Variants in EIF4E3 observed in about 807,000 individuals in gnomAD.
EIF4E3 encodes the protein eukaryotic translation initiation factor 4E type 3.
Under a neutral mutation model 31.7 loss-of-function variants are expected in EIF4E3, and 26 were observed. The ratio of observed to expected loss-of-function variants is 0.82; its 90% CI spans 0.60 to 1.14. The LOEUF (loss-of-function observed/expected upper bound fraction) is 1.14. EIF4E3 is among the 50% of genes most tolerant of loss of function. The pLI, the probability that EIF4E3 is intolerant of heterozygous loss-of-function variation, is 0.00. For synonymous variants in EIF4E3, 128 were observed against 107.7 expected, an observed-to-expected ratio of 1.19 and a Z score of -1.17; for missense variants, 304 against 270.9, an observed-to-expected ratio of 1.12 and a Z score of -0.86.
At chr3:71,708,500 C>T (rs2049327330) in intron 2 of EIF4E3, among the ~76,000 whole-genome samples, 1 of 151,984 alleles carries the variant, frequency 6.6e-6, no homozygotes, top group Admixed American at 6.6e-5. Context: ...CTAGTATGTG[C>T]CTGCCTGGGT....
intron 1 of EIF4E3, among the ~76,000 whole-genome samples, chr3:71,718,799 T>C (rs189760011): frequency 1.6e-4 from 25 of 152,334 alleles, no homozygotes; most frequent in African/African-American, 5.8e-4. Flanking sequence ...AAGTACTCTA[T>C]GTCAGGGCCT....
At chr3:71,719,766 C>A (rs2049518356) in intron 1 of EIF4E3, among the ~76,000 whole-genome samples, 1 of 152,048 alleles carries the variant, frequency 6.6e-6, no homozygotes, top group Non-Finnish European at 1.5e-5. Context: ...CTAATCCCAG[C>A]ACTTTGGGAG....
intron 1 of EIF4E3, among the ~76,000 whole-genome samples, chr3:71,713,164 A>G (rs939788618): frequency 5.3e-5 from 8 of 152,194 alleles, no homozygotes; most frequent in Non-Finnish European, 8.8e-5. Flanking sequence ...TGAAGCACTG[A>G]ATCCCTGCAA....
chr3:71,684,492 G>A lies in EIF4E3; in HGVS notation c.*190C>T, dbSNP rs186368414. ...TTTTTTAAAAAGCAAGTAATGTGAC[G>A]GTAGAAACCCACACAATCTCCCCCC... On this transcript the variant is annotated 3_prime_UTR_variant, in exon 7 of 7. Coordinates refer to ENST00000425534, the MANE Select transcript of EIF4E3 (RefSeq NM_001134651.2). 52 of 453,620 alleles carry A rather than the reference G, an allele frequency of 1.1e-4. No individual in the cohort carries two copies. The highest frequency in any genetic ancestry group is 1.0e-3 in the Admixed American group (25 of 24,362). The allele number at this position is 453,620 out of a possible 1,614,324, so 28.1% of individuals were successfully genotyped here. A position where few individuals can be genotyped will look rare whatever the true frequency, so the allele number is the denominator to read the frequency against.
At chr3:71,698,239 G>A (rs549005522) in intron 3 of EIF4E3, among the ~76,000 whole-genome samples, 5 of 152,174 alleles carry the variant, frequency 3.3e-5, no homozygotes, top group Non-Finnish European at 7.4e-5. Flanking sequence ...TGGCTACATG[G>A]GCAGGGAGGG....
At chr3:71,741,179 C>G (rs970145954) in intron 1 of EIF4E3, among the ~76,000 whole-genome samples, 1 of 146,848 alleles carries the variant, frequency 6.8e-6, no homozygotes, top group African/African-American at 2.6e-5. Flanking sequence ...CATCCATGCA[C>G]ATGCACATGC....
chr3:71,725,339 G>C lies in EIF4E3; in HGVS notation c.29C>G (p.Pro10Arg), dbSNP rs932219594. The C allele has an allele frequency of 1.0e-4, 101 of 973,616 alleles. 2 individuals are homozygous for C. In the South Asian group the frequency reaches 1.6e-3, roughly 15 times the overall value. 60.3% of individuals were successfully genotyped at this position (973,616 alleles called of 1,614,324 possible). ...CCCCGGCGGCTCCCGGGCCCCGGCG[G>C]GGGGCGCGGCGGCCGGGGGCAGCGC... is the stretch of plus-strand genomic sequence containing the variant. The part of the protein sequence containing the change: MALPPAAAP[P>R]AGAREPPGSR... The change falls in exon 1 of 7, where the codon CCC becomes CGC. Residue 10 changes from proline (P) to arginine (R), a missense_variant. Coordinates refer to ENST00000425534, the MANE Select transcript of EIF4E3 (RefSeq NM_001134651.2). The surrounding 1 kb of genome is among the most constrained non-coding windows in gnomAD (Gnocchi z 6.1).
chr3:71,720,270 CAGGCTCAAGCAAACATCT>C (rs1169607533), intron 1 of EIF4E3, among the ~76,000 whole-genome samples: 1 of 151,802 alleles, frequency 6.6e-6, no homozygotes, highest in African/African-American at 2.4e-5. Flanking sequence ...TCCTCAAATT[CAGGCTCAAGCAAACATCT>C]AGGCTCAAGG....
chr3:71,690,255 TA>T, intron 5 of EIF4E3, 90 bp from the exon 6 acceptor site: 1 of 1,385,258 alleles, frequency 7.2e-7, no homozygotes, highest in East Asian at 2.5e-5. Flanking sequence ...ATCTGAAAAT[TA>T]AGGATAAGAT....
Position 71,689,944 on chromosome 3 carries a change from C to T in EIF4E3, c.628+66G>A, listed in dbSNP as rs1559589807. ...ATCTGCCTTCACCACATTTGCAAAA[C>T]AGTTTCTATCTTTAAAAGTATGATA... On this transcript the variant is annotated intron_variant, in intron 6 of 6. Transcript: ENST00000425534. The T allele has an allele frequency of 4.4e-6, 6 of 1,358,526 alleles. No homozygotes were observed. The East Asian group carries it at 1.6e-4, about 37-fold the overall frequency. 84.2% of individuals were successfully genotyped at this position (1,358,526 alleles called of 1,614,324 possible).
intron 1 of EIF4E3, among the ~76,000 whole-genome samples, chr3:71,736,565 GTA>G (rs1165287812): frequency 6.6e-6 from 1 of 152,174 alleles, no homozygotes; most frequent in Non-Finnish European, 1.5e-5. Flanking sequence ...GCCACATACT[GTA>G]TGATTCCAAC....
At chr3:71,741,196 A>ACG (rs2049817439) in intron 1 of EIF4E3, among the ~76,000 whole-genome samples, 1 of 149,680 alleles carries the variant, frequency 6.7e-6, no homozygotes, top group African/African-American at 2.4e-5. Flanking sequence ...ATGCACGCGC[A>ACG]CACACACACA....
intron 1 of EIF4E3, among the ~76,000 whole-genome samples, chr3:71,739,885 T>C (rs1284879215): frequency 1.3e-5 from 2 of 152,062 alleles, no homozygotes; most frequent in Non-Finnish European, 1.5e-5. Context: ...ATAATAACAA[T>C]GTACTATGGG....
intron 1 of EIF4E3, among the ~76,000 whole-genome samples, chr3:71,744,338 A>T (rs1008354160): frequency 6.6e-6 from 1 of 152,240 alleles, no homozygotes; most frequent in Non-Finnish European, 1.5e-5. Flanking sequence ...CATGAAAAAA[A>T]TGTTCAATAT....
chr3:71,730,802 C>T (rs927531696), intron 1 of EIF4E3, among the ~76,000 whole-genome samples: 1 of 152,070 alleles, frequency 6.6e-6, no homozygotes, highest in African/African-American at 2.4e-5. Flanking sequence ...ACAATCTTGG[C>T]TCATGCAGCC....
upstream of EIF4E3, among the ~76,000 whole-genome samples, chr3:71,730,399 A>G (rs1180320760): frequency 2.0e-5 from 3 of 152,214 alleles, no homozygotes; most frequent in Admixed American, 6.5e-5. Context: ...CATTGTCTAT[A>G]AAGCACCTTG....
At chr3:71,663,047 C>G in the EIF4E3 span, among the ~76,000 whole-genome samples, 1 of 152,094 alleles carries the variant, frequency 6.6e-6, no homozygotes, top group East Asian at 1.9e-4. Context: ...CATGAATACT[C>G]AAAACTGAAC....
At chr3:71,748,712 C>G (rs188884344) in intron 1 of EIF4E3, among the ~76,000 whole-genome samples, 1 of 152,150 alleles carries the variant, frequency 6.6e-6, no homozygotes, top group Non-Finnish European at 1.5e-5. Flanking sequence ...ACCCCACACA[C>G]ATGCGCGCAC....
intron 1 of EIF4E3, among the ~76,000 whole-genome samples, chr3:71,745,359 C>T (rs2049860956): frequency 6.6e-6 from 1 of 152,134 alleles, no homozygotes; most frequent in African/African-American, 2.4e-5. Flanking sequence ...AATAGGTAAA[C>T]TAGCAATTCA....
Sources: allele counts gnomAD v4.1 joint callset (sites outside exome capture counted in the v4.1 genomes callset), GRCh38; gene constraint gnomAD v4.1.1; non-coding constraint Gnocchi (gnomAD v3.1); transcripts MANE v1.5; gene names NCBI Gene and HGNC (gene_info 2026-07-23, HGNC 2026-07-21).